Variants in SEC16A observed in about 807,000 individuals in gnomAD.
The protein encoded by SEC16A is SEC16 homolog A, endoplasmic reticulum export factor.
Under a neutral mutation model 221.9 loss-of-function variants are expected in SEC16A, and 110 were observed. The observed-to-expected ratio is 0.50, with a 90% CI of 0.42 to 0.58. The LOEUF (loss-of-function observed/expected upper bound fraction) is 0.58, where lower values mean the gene tolerates loss of function less well. SEC16A is among the 20% of genes least tolerant of loss of function. The pLI, the probability that SEC16A is intolerant of heterozygous loss-of-function variation, is 0.00. For missense variants in SEC16A, 3,165 were observed against 3,097.8 expected (o/e 1.02, Z -0.52); for synonymous variants, 1,393 against 1,257.7 (o/e 1.11, Z -2.28).
rs1325112644 is a variant in SEC16A at position 136,451,275 on chromosome 9, T to C, written c.6293A>G (p.Glu2098Gly). 7 of 1,612,420 alleles carry C rather than the reference T, an allele frequency of 4.3e-6. No individual in the cohort carries two copies. The highest frequency in any genetic ancestry group is 1.7e-5 in the Admixed American group (1 of 59,754). The change falls in exon 23 of 32, where the codon GAA (glutamate) becomes GGA (glycine). Residue 2098 changes from glutamate to glycine, a missense_variant. Transcript: ENST00000684901. The part of the protein sequence containing the change: ...TKRPGQAAKK[E>G]TKEPKKGESW... ...TACTACCTTCTTAGGTTCCTTCGTTTCTTTCTTGGCTGCCTGTCCGGGTCT... is the reference window on the plus strand; with the variant it reads ...TACTACCTTCTTAGGTTCCTTCGTTCCTTTCTTGGCTGCCTGTCCGGGTCT...
chr9:136,481,429 CG>C (rs1454549520), intron 1 of SEC16A, among the ~76,000 whole-genome samples: 2 of 152,178 alleles, frequency 1.3e-5, no homozygotes, highest in African/African-American at 4.8e-5. Context: ...TGAGCCACCG[CG>C]CCCGGCCCAG....
At chr9:136,457,792 G>A (rs1409586140) in intron 17 of SEC16A, among the ~76,000 whole-genome samples, 1 of 151,942 alleles carries the variant, frequency 6.6e-6, no homozygotes, top group Non-Finnish European at 1.5e-5. Context: ...GGGATTTCAA[G>A]AGCAAAGTAA....
chr9:136,464,066 G>A (rs573994737), intron 9 of SEC16A, among the ~76,000 whole-genome samples: 15 of 152,246 alleles, frequency 9.9e-5, no homozygotes, highest in East Asian at 3.9e-4. Context: ...CGGCAGCGCC[G>A]TGCACGTCCA....
At chr9:136,453,031 C>A (rs1355266202) in intron 22 of SEC16A, among the ~76,000 whole-genome samples, 1 of 145,954 alleles carries the variant, frequency 6.9e-6, no homozygotes, top group African/African-American at 2.6e-5. Flanking sequence ...GATCGCACCA[C>A]TGCACTCAAG....
Position 136,474,899 on chromosome 9 carries a change from T to C in SEC16A, c.2717A>G (p.Asn906Ser). 1.2e-6 allele frequency: 2 copies of C among 1,613,318 alleles called. No homozygotes were observed. Among genetic ancestry groups the C allele is most frequent in the East Asian group, 2.2e-5 (1 of 44,874 alleles). The change falls in exon 3 of 32, where the codon AAT becomes AGT. Residue 906 changes from asparagine (N) to serine (S), a missense_variant. Asn to Ser is a conservative substitution (Grantham distance 46, BLOSUM62 1). Transcript: ENST00000684901. The stretch of plus-strand genomic sequence containing the variant: ...GGAAGCACCAGAACCTTGTGGAAAA[T>C]TACTTTGGGCAACACTGCTAGGCAG... ...LSLPSSVAQS[N>S]FPQGSGASEM...
chr9:136,469,620 G>A lies in SEC16A; in HGVS notation c.3705-1108C>T, dbSNP rs1310521704. Among the ~76,000 whole-genome samples the A allele has an allele frequency of 7.2e-5, 11 of 152,124 alleles. No individual in the cohort carries two copies. In the East Asian group the frequency reaches 9.6e-4, roughly 13 times the overall value. ...TTTTAAGGCTACAGTGAGCTATGACGGCACCACTGCACTCCAGCCTGGCTA... is the reference window on the plus strand; with the variant it reads ...TTTTAAGGCTACAGTGAGCTATGACAGCACCACTGCACTCCAGCCTGGCTA... On this transcript the variant is annotated intron_variant, in intron 4 of 31. Transcript: ENST00000684901.
In SEC16A at chr9:136,474,100, C is replaced by A; in HGVS notation, c.3516G>T (p.Gln1172His). 6.2e-7 allele frequency: 1 copy of A among 1,613,002 alleles called. No individual in the cohort carries two copies. Among genetic ancestry groups the A allele is most frequent in the Non-Finnish European group, 8.5e-7 (1 of 1,179,750 alleles). ...YRPLYDAYQP[Q>H]YSLPYPPEPG... is the part of the protein sequence containing the mutation. Reference sequence around the variant, plus strand: ...GCTCCGGTGGGTACGGCAAAGAGTACTGAGGCTGGTAGGCATCGTACAAAG... The same window carrying A: ...GCTCCGGTGGGTACGGCAAAGAGTAATGAGGCTGGTAGGCATCGTACAAAG... The change falls in exon 3 of 32, where the codon CAG becomes CAT. Residue 1172 changes from glutamine (Q) to histidine (H), a missense_variant. Gln to His is a conservative substitution (Grantham distance 24, BLOSUM62 0). Transcript: ENST00000684901.
intron 10 of SEC16A, 32 bp downstream of exon 10, chr9:136,463,647 C>A: frequency 6.2e-7 from 1 of 1,613,606 alleles, no homozygotes; most frequent in Admixed American, 1.7e-5. Context: ...CAAGGCCGGG[C>A]TCACAAAGAA....
upstream of SEC16A, chr9:136,484,195 AG>A (rs1842738996): frequency 3.8e-6 from 1 of 262,118 alleles, no homozygotes; most frequent in Non-Finnish European, 6.1e-6. Flanking sequence ...CCCGGCCGCC[AG>A]CCCCACAGGG....
intron 30 of SEC16A, among the ~76,000 whole-genome samples, chr9:136,444,464 G>A (rs779602326): frequency 6.6e-6 from 1 of 152,178 alleles, no homozygotes; most frequent in Admixed American, 6.5e-5. Context: ...ACACTCACTC[G>A]GCGAGGCCAC....
In SEC16A at chr9:136,447,774, C is replaced by T; in HGVS notation, c.6447+79G>A. On this transcript the variant is annotated intron_variant, in intron 25 of 31. Coordinates refer to ENST00000684901, the MANE Select transcript of SEC16A (RefSeq NM_014866.2). The surrounding 1 kb of genome is among the most constrained non-coding windows in gnomAD (Gnocchi z 5.5). Reference sequence around the variant, plus strand: ...GAGGCTCCAAAAGGGGCAACAGCCACCCAAATATCACAGGGCCACATGAGG... The same window carrying T: ...GAGGCTCCAAAAGGGGCAACAGCCATCCAAATATCACAGGGCCACATGAGG... The T allele has an allele frequency of 6.5e-7, 1 of 1,549,824 alleles. No homozygotes were observed. The highest frequency in any genetic ancestry group is 8.9e-7 in the Non-Finnish European group (1 of 1,129,924).
chr9:136,478,642 C>G (rs1254690374), intron 2 of SEC16A, among the ~76,000 whole-genome samples, 67 bp downstream of exon 2: 1 of 151,932 alleles, frequency 6.6e-6, no homozygotes, highest in Non-Finnish European at 1.5e-5. Flanking sequence ...TCGAGACCAG[C>G]CTGGGCAACA....
rs897721531 is a variant in SEC16A at position 136,474,138 on chromosome 9, A to T, written c.3478T>A (p.Tyr1160Asn). 6.8e-6 allele frequency: 11 copies of T among 1,613,236 alleles called. No individual in the cohort carries two copies. The highest frequency in any genetic ancestry group is 1.3e-5 in the African/African-American group (1 of 74,924). The change falls in exon 3 of 32, where the codon TAC becomes AAC. Residue 1160 changes from tyrosine to asparagine, a missense_variant. Coordinates refer to ENST00000684901, the MANE Select transcript of SEC16A (RefSeq NM_014866.2). Reference protein sequence around the residue: ...GPPPQDLAAYYYYRPLYDAYQ... With the variant: ...GPPPQDLAAYNYYRPLYDAYQ... ...GCATCGTACAAAGGCCGGTAGTAGT[A>T]GTAGGCGGCCAGGTCCTGAGGCGGT... is the stretch of plus-strand genomic sequence containing the variant.
At chr9:136,450,020 A>G (rs767198134) in intron 23 of SEC16A, among the ~76,000 whole-genome samples, 38 of 152,104 alleles carry the variant, frequency 2.5e-4, no homozygotes, top group Non-Finnish European at 5.0e-4. Flanking sequence ...CCTGGCCAAC[A>G]TGGTGAAACC....
At chr9:136,454,655 G>A (rs1396208328) in intron 20 of SEC16A, among the ~76,000 whole-genome samples, 2 of 152,208 alleles carry the variant, frequency 1.3e-5, no homozygotes, top group African/African-American at 4.8e-5. Context: ...CCTCCTCCAC[G>A]GCCAGGGGTC....
At chr9:136,471,671 G>A (rs1840892879) in intron 4 of SEC16A, among the ~76,000 whole-genome samples, 1 of 152,200 alleles carries the variant, frequency 6.6e-6, no homozygotes, top group African/African-American at 2.4e-5. Context: ...CCGTCAAGAG[G>A]GGCTCACAGA....
rs1327036501 is a variant in SEC16A, at chr9:136,453,038, C to T, written c.6159+390G>A. 4.5e-5 allele frequency among the ~76,000 whole-genome samples: 6 copies of T among 134,040 alleles called. No individual in the cohort carries two copies. The East Asian group carries it at 1.3e-3, about 29-fold the overall frequency. 87.9% of individuals were successfully genotyped at this position (134,040 alleles called of 152,430 possible). On this transcript the variant is annotated intron_variant, in intron 22 of 31. Coordinates refer to ENST00000684901, the MANE Select transcript of SEC16A (RefSeq NM_014866.2). Reference sequence around the variant, plus strand: ...TGAGCCGAGATCGCACCACTGCACTCAAGCCTGGGCGACAGAGCAAGAATC... The same window carrying T: ...TGAGCCGAGATCGCACCACTGCACTTAAGCCTGGGCGACAGAGCAAGAATC...
At chr9:136,472,248 C>G (rs968909522) in intron 3 of SEC16A, 137 bp from the exon 4 acceptor site, 6 of 993,134 alleles carry the variant, frequency 6.0e-6, no homozygotes, top group Non-Finnish European at 9.0e-6. Context: ...CAACAACCAG[C>G]CTGAGCTAGA....
At position 136,475,373 on chromosome 9, in the gene SEC16A, T is replaced by G. The variant is rs201466249; in HGVS notation, c.2243A>C (p.Tyr748Ser). 5.3e-4 allele frequency: 859 copies of G among 1,609,534 alleles called. 3 individuals are homozygous for G. Among genetic ancestry groups the G allele is most frequent in the Middle Eastern group, 2.6e-3 (16 of 6,038 alleles). Residue 748 changes from tyrosine to serine, a missense_variant, in exon 3 of 32, where the codon TAT becomes TCT. Tyr to Ser is a moderately radical substitution (Grantham distance 144). Transcript: ENST00000684901. The surrounding 1 kb of genome is among the most constrained non-coding windows in gnomAD (Gnocchi z 5.0). ...VLLAPAAPAL[Y>S]VCAKPQPPVV... ...AGGTGGCTGAGGTTTTGCACACACA[T>G]AAAGCGCCGGGGCTGCAGGGGCCAG...
Sources: gnomAD v4.1 joint callset for allele counts (sites outside exome capture counted in the v4.1 genomes callset) on GRCh38, gnomAD v4.1.1 for gene constraint, Gnocchi (gnomAD v3.1) non-coding constraint, MANE v1.5 for transcripts, NCBI Gene and HGNC (gene_info 2026-07-23, HGNC 2026-07-21) for gene names.